Variants in XPO4 observed in about 807,000 individuals in gnomAD.
The protein encoded by XPO4 is exportin 4.
In XPO4, 39 loss-of-function variants were observed where a neutral mutation model predicts 143.0. That is an observed-to-expected ratio of 0.27 (90% CI 0.21 to 0.36). The LOEUF (loss-of-function observed/expected upper bound fraction) is 0.36, where lower values mean the gene tolerates loss of function less well. Ranked by LOEUF, XPO4 falls within the 10% of genes least tolerant of loss-of-function variation. XPO4 has a pLI of 1.00. For synonymous variants in XPO4, 439 were observed against 474.0 expected, an observed-to-expected ratio of 0.93 and a Z score of 0.96; for missense variants, 907 against 1,348.0, an observed-to-expected ratio of 0.67 and a Z score of 5.12.
In XPO4 at chr13:20,782,890, TTCC is replaced by T. The variant is rs1168088856; in HGVS notation, c.*829_*831del. On this transcript the variant is annotated 3_prime_UTR_variant, in exon 23 of 23. Coordinates refer to ENST00000255305, the MANE Select transcript of XPO4 (RefSeq NM_022459.5). The stretch of plus-strand genomic sequence containing the variant: ...TACGGAACAAAAATATACATGTATT[TTCC>T]TCCTCAAGTTCAGGCATCAGAGTAT... 1 of 152,634 alleles carries T rather than the reference TTCC, an allele frequency of 6.6e-6. No individual in the cohort carries two copies. The highest frequency in any genetic ancestry group is 1.5e-5 in the Non-Finnish European group (1 of 68,042). The allele number at this position is 152,634 out of a possible 1,614,324, so 9.5% of individuals were successfully genotyped here.
At chr13:20,807,370 CCTA>C (rs2059521463) in intron 13 of XPO4, 84 bp downstream of exon 13, 2 of 1,299,182 alleles carry the variant, frequency 1.5e-6, no homozygotes, top group African/African-American at 3.1e-5. Flanking sequence ...TTACAACGTG[CCTA>C]TCACTCCAGT....
At chr13:20,822,991 T>C (rs1251500280) in intron 7 of XPO4, among the ~76,000 whole-genome samples, 4 of 152,206 alleles carry the variant, frequency 2.6e-5, no homozygotes, top group African/African-American at 9.6e-5. Context: ...ATGAAGGGAA[T>C]GCTCTTGAAA....
intron 1 of XPO4, among the ~76,000 whole-genome samples, chr13:20,882,905 G>C (rs2060426221): frequency 6.6e-6 from 1 of 150,736 alleles, no homozygotes; most frequent in Admixed American, 6.6e-5. Context: ...AAAAAAGGCA[G>C]GGAGTGTAAG....
chr13:20,857,919 AAAG>A, intron 3 of XPO4: 3 of 985,236 alleles, frequency 3.0e-6, no homozygotes, highest in Non-Finnish European at 3.6e-6. Flanking sequence ...AAAAAATAAA[AAAG>A]AAAAAATTCT....
intron 1 of XPO4, among the ~76,000 whole-genome samples, chr13:20,893,565 C>G (rs1265139154): frequency 6.6e-6 from 1 of 151,924 alleles, no homozygotes; most frequent in Non-Finnish European, 1.5e-5. Flanking sequence ...TGGTGAAACT[C>G]CCTCACATGG....
rs773815763 is a variant in XPO4, at chr13:20,821,794, A to T, written c.1083T>A (p.Thr361=). ...AGGAGAAAAGTTCACTTGGAATGGC[A>T]GTTAAAACATTTCGTGGGAACACGG... ...LITVFPRNVL[T]AIPSELFSSF... Residue 361 remains threonine (T), a synonymous_variant, in exon 9 of 23, where the codon ACT becomes ACA. Coordinates refer to ENST00000255305, the MANE Select transcript of XPO4 (RefSeq NM_022459.5). 6.2e-7 allele frequency: 1 copy of T among 1,614,140 alleles called. No homozygotes were observed. The highest frequency in any genetic ancestry group is 1.7e-5 in the Admixed American group (1 of 60,026).
chr13:20,833,029 T>C (rs907663228), intron 6 of XPO4, among the ~76,000 whole-genome samples: 1 of 152,114 alleles, frequency 6.6e-6, no homozygotes, highest in Non-Finnish European at 1.5e-5. Flanking sequence ...ATACCACACA[T>C]ACCTGCCAAA....
At chr13:20,793,089 G>A (rs1354532623) in intron 18 of XPO4, among the ~76,000 whole-genome samples, 7 of 152,050 alleles carry the variant, frequency 4.6e-5, no homozygotes, top group Non-Finnish European at 7.4e-5. Context: ...CACACCCGGC[G>A]CAGTTATGCT....
chr13:20,789,011 T>C (rs932781864), intron 19 of XPO4, among the ~76,000 whole-genome samples: 28 of 152,232 alleles, frequency 1.8e-4, no homozygotes, highest in African/African-American at 6.8e-4. Context: ...AGAAGGTTAA[T>C]ACAAATTGTT....
rs2059132509 is a variant in XPO4 at position 20,780,668 on chromosome 13, C to A, written c.*3054G>T. ...ATTCTTAAAATTAGTTTGAAAAAAACCTGCAGTTTGTTTACATTAAAAGTC... is the reference window on the plus strand; with the variant it reads ...ATTCTTAAAATTAGTTTGAAAAAAAACTGCAGTTTGTTTACATTAAAAGTC... On this transcript the variant is annotated 3_prime_UTR_variant, in exon 23 of 23. Transcript: ENST00000255305. 6.6e-6 allele frequency: 1 copy of A among 152,056 alleles called. No homozygotes were observed. The highest frequency in any genetic ancestry group is 2.1e-4 in the South Asian group (1 of 4,828). 9.4% of individuals were successfully genotyped at this position (152,056 alleles called of 1,614,324 possible).
intron 22 of XPO4, among the ~76,000 whole-genome samples, chr13:20,784,840 G>A (rs1399801875): frequency 2.0e-5 from 3 of 152,082 alleles, no homozygotes; most frequent in African/African-American, 7.2e-5. Flanking sequence ...CTACTTGGGA[G>A]GCTGAGATGG....
At chr13:20,810,098 A>T (rs1258764030) in intron 9 of XPO4, 131 bp from the exon 10 acceptor site, 3 of 704,616 alleles carry the variant, frequency 4.3e-6, no homozygotes, top group Non-Finnish European at 6.1e-6. Context: ...ATAAGTTTTT[A>T]TTGAACTTTC....
chr13:20,799,910 T>C lies in XPO4; in HGVS notation c.2147+246A>G, dbSNP rs962403737. 4.6e-5 allele frequency among the ~76,000 whole-genome samples: 7 copies of C among 152,216 alleles called. No homozygotes were observed. In the South Asian group the frequency reaches 6.2e-4, roughly 13 times the overall value. On this transcript the variant is annotated intron_variant, in intron 15 of 22. Coordinates refer to ENST00000255305, the MANE Select transcript of XPO4 (RefSeq NM_022459.5). ...CGATAAATTACTAATGTGTTACTCA[T>C]AGGGCTTTGATGCCAAATCCTGAAG... is the stretch of plus-strand genomic sequence containing the variant.
chr13:20,853,136 G>A (rs1329965662), intron 4 of XPO4: 3 of 689,988 alleles, frequency 4.3e-6, no homozygotes, highest in East Asian at 2.7e-4. Context: ...TTCGAGACCA[G>A]CCTAGGCAAC....
chr13:20,846,650 C>T (rs1009929973), intron 4 of XPO4, among the ~76,000 whole-genome samples: 2 of 152,174 alleles, frequency 1.3e-5, no homozygotes, highest in Admixed American at 6.5e-5. Flanking sequence ...CAAAAATATA[C>T]TTCTATCTTA....
intron 3 of XPO4, among the ~76,000 whole-genome samples, chr13:20,860,091 A>T (rs2138115057): frequency 6.6e-6 from 1 of 152,320 alleles, no homozygotes; most frequent in East Asian, 1.9e-4. Context: ...ACTCCCCACC[A>T]GGCACTGTGC....
intron 2 of XPO4, among the ~76,000 whole-genome samples, chr13:20,864,888 C>T (rs1259024983): frequency 6.7e-6 from 1 of 149,928 alleles, no homozygotes; most frequent in African/African-American, 2.4e-5. Flanking sequence ...AAAAAAAAAG[C>T]CAAATTCCTA....
At chr13:20,852,103 C>T (rs778313700) in intron 4 of XPO4, 61 of 985,214 alleles carry the variant, frequency 6.2e-5, no homozygotes, top group African/African-American at 1.6e-4. Context: ...GAGGGCAGGC[C>T]GCATAAATTC....
intron 6 of XPO4, among the ~76,000 whole-genome samples, chr13:20,836,057 G>A (rs1198471356): frequency 6.6e-6 from 1 of 152,146 alleles, no homozygotes; most frequent in Non-Finnish European, 1.5e-5. Context: ...TTATCAGTAA[G>A]TCTTCCAGGC....
Sources: allele counts gnomAD v4.1 joint callset (sites outside exome capture counted in the v4.1 genomes callset), GRCh38; gene constraint gnomAD v4.1.1; transcripts MANE v1.5; gene names NCBI Gene and HGNC (gene_info 2026-07-23, HGNC 2026-07-21).